SGPL1: variants seen among roughly 807,000 people sequenced by gnomAD.
The protein encoded by SGPL1 is SP-lyase 1.
In SGPL1, 37 loss-of-function variants were observed where a neutral mutation model predicts 68.9. The ratio of observed to expected loss-of-function variants is 0.54; its 90% confidence interval spans 0.41 to 0.71. SGPL1 has a LOEUF of 0.71. Among genes scored for constraint, SGPL1 ranks in the 30% least tolerant of loss-of-function variants. The pLI, the probability that SGPL1 is intolerant of heterozygous loss-of-function variation, is 0.00. For missense variants in SGPL1, 551 were observed against 704.6 expected, an observed-to-expected ratio of 0.78 and a Z score of 2.47; for synonymous variants, 236 against 248.5, an observed-to-expected ratio of 0.95 and a Z score of 0.47.
intron 3 of SGPL1, among the ~76,000 whole-genome samples, chr10:70,849,854 TG>T (rs760956812): frequency 5.9e-5 from 9 of 152,244 alleles, no homozygotes; most frequent in Non-Finnish European, 1.3e-4. Context: ...TATAGAATCC[TG>T]GGAATCCTGG....
At chr10:70,871,806 T>C in intron 10 of SGPL1, 31 bp from the exon 11 acceptor site, 12 of 1,605,638 alleles carry the variant, frequency 7.5e-6, no homozygotes, top group Non-Finnish European at 9.4e-6. Context: ...ATAAAGGAAA[T>C]TCTCTTATGT....
chr10:70,856,355 A>G (rs1222482730), intron 5 of SGPL1, among the ~76,000 whole-genome samples: 1 of 152,196 alleles, frequency 6.6e-6, no homozygotes, highest in Non-Finnish European at 1.5e-5. Flanking sequence ...ATTGAATAGT[A>G]CAAAATTTGA....
Position 70,870,988 on chromosome 10 carries a change from C to T in SGPL1, c.811-60C>T, listed in dbSNP as rs570244613. 6.5e-5 allele frequency: 95 copies of T among 1,451,924 alleles called. No individual in the cohort carries two copies. In the African/African-American group the frequency reaches 1.3e-3, roughly 20 times the overall value. 89.9% of individuals were successfully genotyped at this position (1,451,924 alleles called of 1,614,324 possible). On this transcript the variant is annotated intron_variant, in intron 9 of 14. Coordinates refer to ENST00000373202, the MANE Select transcript of SGPL1 (RefSeq NM_003901.4). The stretch of plus-strand genomic sequence containing the variant: ...TAGCAGCCCAAATTGCTCTTGGCAG[C>T]AGAAGAGAAGAGTAATTGTGACATA...
chr10:70,859,382 T>G lies in SGPL1; in HGVS notation c.498T>G (p.Asp166Glu). 1 of 1,518,164 alleles carries G rather than the reference T, an allele frequency of 6.6e-7. No homozygotes were observed. The highest frequency in any genetic ancestry group is 8.8e-7 in the Non-Finnish European group (1 of 1,132,500). The allele number at this position is 1,518,164 out of a possible 1,614,324, so 94.0% of individuals were successfully genotyped here. A position where few individuals can be genotyped will look rare whatever the true frequency, so the allele number is the denominator to read the frequency against. Reference protein sequence around the residue: ...LTELLVKAYGDFAWSNPLHPD... With the variant: ...LTELLVKAYGEFAWSNPLHPD... Reference sequence around the variant, plus strand: ...GCATTTTTTTGCAGGCTTATGGAGATTTTGCATGGAGTAACCCCCTGCATC... The same window carrying G: ...GCATTTTTTTGCAGGCTTATGGAGAGTTTGCATGGAGTAACCCCCTGCATC... The change falls in exon 7 of 15, where the codon GAT (aspartate) becomes GAG (glutamate). Residue 166 changes from aspartate (D) to glutamate (E), a missense_variant. Asp to Glu is a conservative substitution (Grantham distance 45). Coordinates refer to ENST00000373202, the MANE Select transcript of SGPL1 (RefSeq NM_003901.4).
In SGPL1 at chr10:70,816,895, G is replaced by C. The variant is rs371981440; in HGVS notation, c.27+15G>C. On this transcript the variant is annotated intron_variant, in intron 2 of 14. Coordinates refer to ENST00000373202, the MANE Select transcript of SGPL1 (RefSeq NM_003901.4). Reference sequence around the variant, plus strand: ...TTCTGATGTTGGTGAGCCTTTTGCAGACATCCTCCTGGTTCCAAGGCATTT... The same window carrying C: ...TTCTGATGTTGGTGAGCCTTTTGCACACATCCTCCTGGTTCCAAGGCATTT... 153 of 1,613,598 alleles carry C rather than the reference G, an allele frequency of 9.5e-5. No individual in the cohort carries two copies. Among genetic ancestry groups the C allele is most frequent in the Non-Finnish European group, 1.3e-4 (153 of 1,179,562 alleles).
intron 3 of SGPL1, among the ~76,000 whole-genome samples, chr10:70,847,275 A>C (rs564834873): frequency 1.2e-4 from 18 of 152,128 alleles, no homozygotes; most frequent in African/African-American, 3.9e-4. Flanking sequence ...CAGCCTCATG[A>C]GTAGCTGGGA....
rs115923151 is a variant in SGPL1, at chr10:70,876,569, G to T, written c.1474G>T (p.Ala492Ser). 287 of 1,612,084 alleles carry T rather than the reference G, an allele frequency of 1.8e-4. No homozygotes were observed. Among genetic ancestry groups the T allele is most frequent in the Non-Finnish European group, 2.4e-4 (277 of 1,178,662 alleles). The change falls in exon 14 of 15, where the codon GCC (alanine) becomes TCC (serine). Residue 492 changes from alanine (A) to serine (S), a missense_variant. Physicochemically the swap from Ala to Ser is moderately conservative, Grantham distance 99 (BLOSUM62 1). Coordinates refer to ENST00000373202, the MANE Select transcript of SGPL1 (RefSeq NM_003901.4). The stretch of plus-strand genomic sequence containing the variant: ...TCATTTCTGCATCACATTACTACAC[G>T]CCCGGAAACGAGTAGCTATACAATT... ...SIHFCITLLHARKRVAIQFLK... is the reference protein window; with the variant it reads ...SIHFCITLLHSRKRVAIQFLK...
intron 1 of SGPL1, among the ~76,000 whole-genome samples, chr10:70,816,496 G>T (rs1433758195): frequency 6.6e-6 from 1 of 152,192 alleles, no homozygotes; most frequent in East Asian, 1.9e-4. Context: ...TTCAGCCCGG[G>T]TTAGGTGGCC....
intron 14 of SGPL1, 138 bp from the exon 15 acceptor site, chr10:70,877,056 TG>T: frequency 1.3e-6 from 1 of 744,350 alleles, no homozygotes; most frequent in Non-Finnish European, 2.2e-6. Flanking sequence ...GATAGAATGA[TG>T]GGATGCCTTA....
intron 7 of SGPL1, among the ~76,000 whole-genome samples, chr10:70,867,765 T>G (rs115716311): frequency 2.6e-5 from 4 of 151,996 alleles, no homozygotes; most frequent in Non-Finnish European, 4.4e-5. Context: ...GGCCAAACTT[T>G]AGGAAAACAT....
At chr10:70,837,879 T>C (rs1046307227) in intron 2 of SGPL1, among the ~76,000 whole-genome samples, 1 of 152,144 alleles carries the variant, frequency 6.6e-6, no homozygotes, top group African/African-American at 2.4e-5. Context: ...GTGAGGGCCT[T>C]CTTCTTGCTG....
chr10:70,871,173 G>C, intron 10 of SGPL1, 27 bp downstream of exon 10: 2 of 1,426,782 alleles, frequency 1.4e-6, no homozygotes, highest in Non-Finnish European at 9.7e-7. Context: ...GGCTGCTAAG[G>C]CAGGCAAATG....
At chr10:70,861,241 A>G (rs1846047434) in intron 7 of SGPL1, among the ~76,000 whole-genome samples, 1 of 152,054 alleles carries the variant, frequency 6.6e-6, no homozygotes, top group Non-Finnish European at 1.5e-5. Flanking sequence ...GAGACAAAGA[A>G]ATAGAAGGTA....
chr10:70,873,828 C>T (rs935256494), intron 12 of SGPL1, among the ~76,000 whole-genome samples: 22 of 152,208 alleles, frequency 1.4e-4, no homozygotes, highest in Admixed American at 9.8e-4. Context: ...TGTAGTTTAT[C>T]TCATCTCTAT....
At chr10:70,825,394 G>T (rs1317049472) in intron 2 of SGPL1, among the ~76,000 whole-genome samples, 1 of 152,218 alleles carries the variant, frequency 6.6e-6, no homozygotes, top group Non-Finnish European at 1.5e-5. Context: ...GGAGGATCTG[G>T]AGGAGGAGAT....
intron 2 of SGPL1, among the ~76,000 whole-genome samples, chr10:70,824,240 GGTCTT>G (rs58343014): frequency 0.045 from 6,846 of 152,220 alleles, 182 homozygotes; most frequent in East Asian, 0.13. Context: ...GCAGCTCATG[GGTCTT>G]GTAATGAAAA....
At chr10:70,841,325 C>T (rs1479845662) in intron 2 of SGPL1, among the ~76,000 whole-genome samples, 2 of 152,110 alleles carry the variant, frequency 1.3e-5, no homozygotes, top group African/African-American at 4.8e-5. Context: ...AGAGTATTGT[C>T]TGAGTCCATT....
chr10:70,843,672 G>A (rs1231123177), intron 2 of SGPL1, among the ~76,000 whole-genome samples: 1 of 152,156 alleles, frequency 6.6e-6, no homozygotes, highest in African/African-American at 2.4e-5. Flanking sequence ...TTTCTTGCTC[G>A]TACCAGGTGT....
At chr10:70,848,779 T>C (rs1405270187) in intron 3 of SGPL1, among the ~76,000 whole-genome samples, 2 of 152,172 alleles carry the variant, frequency 1.3e-5, no homozygotes, top group Non-Finnish European at 2.9e-5. Context: ...CCTTTTTTAA[T>C]GGTGAGAACA....
Sources: allele counts gnomAD v4.1 joint callset (sites outside exome capture counted in the v4.1 genomes callset), GRCh38; gene constraint gnomAD v4.1.1; transcripts MANE v1.5; gene names NCBI Gene and HGNC (gene_info 2026-07-23, HGNC 2026-07-21).